The following PTPN5 variants were observed in gnomAD, a reference collection of about 807,000 sequenced individuals.
PTPN5 encodes tyrosine-protein phosphatase non-receptor type 5.
Under a neutral mutation model 73.9 loss-of-function variants are expected in PTPN5, and 29 were observed. The ratio of observed to expected loss-of-function variants is 0.39; its 90% CI spans 0.29 to 0.54. The LOEUF (loss-of-function observed/expected upper bound fraction) is 0.54. Among genes scored for constraint, PTPN5 ranks in the 20% least tolerant of loss-of-function variants. PTPN5 has a pLI of 0.65. For missense variants in PTPN5, 652 were observed against 751.4 expected, an observed-to-expected ratio of 0.87 and a Z score of 1.55; for synonymous variants, 267 against 304.7, an observed-to-expected ratio of 0.88 and a Z score of 1.29.
At chr11:18,791,201 C>T (rs1425531017) in intron 1 of PTPN5, among the ~76,000 whole-genome samples, 1 of 152,230 alleles carries the variant, frequency 6.6e-6, no homozygotes, top group Non-Finnish European at 1.5e-5. Flanking sequence ...AGCCCAGAGC[C>T]GCGCACCAGC....
Position 18,736,356 on chromosome 11 carries a change from A to C in PTPN5, c.1000+1524T>G, listed in dbSNP as rs890627145. 1.8e-4 allele frequency among the ~76,000 whole-genome samples: 27 copies of C among 152,314 alleles called. 1 individual carries two copies. The highest frequency in any genetic ancestry group is 1.6e-3 in the Admixed American group (25 of 15,308). On this transcript the variant is annotated intron_variant, in intron 9 of 14. Transcript: ENST00000358540. Reference sequence around the variant, plus strand: ...TGCTTTGATGCTTGGGACACGGCGGAGAAGGGGACAGAAATTGCTCCCAGC... The same window carrying C: ...TGCTTTGATGCTTGGGACACGGCGGCGAAGGGGACAGAAATTGCTCCCAGC...
In PTPN5 at chr11:18,733,551, C is replaced by T. The variant is rs963902434; in HGVS notation, c.1080+5G>A. On this transcript the variant is annotated splice_donor_5th_base_variant and intron_variant, in intron 10 of 14. Transcript: ENST00000358540. This position sits in a 1 kb window ranked among gnomAD's most constrained non-coding sequence, Gnocchi z 4.3. ...GCAAGAGGCCGTCAGGGTGGGAATA[C>T]GTACCCGGATGTAGTTGGCATTGAT... 6.2e-7 allele frequency: 1 copy of T among 1,614,074 alleles called. No individual in the cohort carries two copies. Among genetic ancestry groups the T allele is most frequent in the Non-Finnish European group, 8.5e-7 (1 of 1,179,968 alleles).
At chr11:18,765,182 G>A (rs1169051003) in intron 3 of PTPN5, among the ~76,000 whole-genome samples, 2 of 152,112 alleles carry the variant, frequency 1.3e-5, no homozygotes, top group Non-Finnish European at 2.9e-5. Context: ...ATAAAAAAAT[G>A]TAAAACTCTC....
intron 8 of PTPN5, among the ~76,000 whole-genome samples, chr11:18,738,832 C>T (rs1208157518): frequency 6.6e-6 from 1 of 152,004 alleles, no homozygotes; most frequent in Non-Finnish European, 1.5e-5. Flanking sequence ...ATTAGCTGGA[C>T]CTGGTGGCGG....
At chr11:18,774,549 C>T (rs909386436) in intron 1 of PTPN5, among the ~76,000 whole-genome samples, 1 of 152,210 alleles carries the variant, frequency 6.6e-6, no homozygotes, top group African/African-American at 2.4e-5. Flanking sequence ...GAGGAGCCCT[C>T]GTCCTGCCAA....
intron 7 of PTPN5, among the ~76,000 whole-genome samples, chr11:18,741,576 C>G (rs1180018521): frequency 6.6e-6 from 1 of 151,978 alleles, no homozygotes; most frequent in Non-Finnish European, 1.5e-5. Context: ...TCTGGCTCAC[C>G]CACCTAGACT....
intron 1 of PTPN5, among the ~76,000 whole-genome samples, chr11:18,782,798 T>C (rs183628218): frequency 1.3e-5 from 2 of 152,302 alleles, no homozygotes; most frequent in African/African-American, 4.8e-5. Context: ...TGAGCATTTT[T>C]GGTTGTTATA....
chr11:18,775,647 T>TAC (rs1235649976), intron 1 of PTPN5, among the ~76,000 whole-genome samples: 4 of 152,166 alleles, frequency 2.6e-5, no homozygotes, highest in African/African-American at 7.2e-5. Flanking sequence ...CCATGACGAA[T>TAC]ACACTCACTG....
At chr11:18,731,219 A>G (rs1245341766) in intron 12 of PTPN5, among the ~76,000 whole-genome samples, 2 of 148,348 alleles carry the variant, frequency 1.3e-5, no homozygotes, top group East Asian at 1.9e-4. Context: ...ATATATAGGT[A>G]TAATAGGATA....
intron 8 of PTPN5, among the ~76,000 whole-genome samples, chr11:18,739,434 G>A (rs555982572): frequency 8.5e-5 from 13 of 152,338 alleles, no homozygotes; most frequent in African/African-American, 2.9e-4. Context: ...AGGCACGGAC[G>A]AGACTGGCCC....
intron 12 of PTPN5, 36 bp downstream of exon 12, chr11:18,732,556 A>T (rs1449617233): frequency 1.3e-6 from 2 of 1,534,296 alleles, no homozygotes; most frequent in Non-Finnish European, 1.8e-6. Context: ...CCCTACACTC[A>T]TCCTCAGCTT....
At chr11:18,765,174 A>T (rs898612960) in intron 3 of PTPN5, among the ~76,000 whole-genome samples, 5 of 152,130 alleles carry the variant, frequency 3.3e-5, no homozygotes, top group African/African-American at 1.2e-4. Context: ...AAAAACTTAT[A>T]AAAAAATGTA....
intron 9 of PTPN5, among the ~76,000 whole-genome samples, chr11:18,735,602 G>A (rs1849077707): frequency 6.6e-6 from 1 of 152,014 alleles, no homozygotes; most frequent in Non-Finnish European, 1.5e-5. Context: ...GATCACTTGA[G>A]GTCAGGAGTT....
At chr11:18,783,812 G>A (rs1309203441) in intron 1 of PTPN5, among the ~76,000 whole-genome samples, 5 of 152,184 alleles carry the variant, frequency 3.3e-5, no homozygotes, top group Non-Finnish European at 5.9e-5. Flanking sequence ...CCACCACAGT[G>A]CCTGGTACAG....
At chr11:18,731,314 C>G (rs960745652) in intron 12 of PTPN5, among the ~76,000 whole-genome samples, 2 of 151,520 alleles carry the variant, frequency 1.3e-5, no homozygotes, top group African/African-American at 4.9e-5. Flanking sequence ...ATCCTATATT[C>G]TATATACCTA....
At chr11:18,756,229 T>C (rs1197663942) in intron 3 of PTPN5, among the ~76,000 whole-genome samples, 3 of 151,942 alleles carry the variant, frequency 2.0e-5, no homozygotes, top group Admixed American at 6.6e-5. Flanking sequence ...ATCTGGCTTA[T>C]GTCTGGTTCA....
intron 3 of PTPN5, among the ~76,000 whole-genome samples, chr11:18,756,639 C>T (rs1850150049): frequency 1.3e-5 from 2 of 151,648 alleles, no homozygotes; most frequent in South Asian, 2.1e-4. Flanking sequence ...AGAAACAGCA[C>T]CGGCCGGGCG....
intron 8 of PTPN5, among the ~76,000 whole-genome samples, chr11:18,739,705 C>G (rs895587541): frequency 1.3e-5 from 2 of 152,174 alleles, no homozygotes; most frequent in African/African-American, 4.8e-5. Flanking sequence ...GTGGCTTCTA[C>G]CAGGAGGAAC....
At chr11:18,746,743 T>C (rs1319588482) in intron 3 of PTPN5, among the ~76,000 whole-genome samples, 1 of 152,208 alleles carries the variant, frequency 6.6e-6, no homozygotes, top group Non-Finnish European at 1.5e-5. Flanking sequence ...ATGGAGGTTA[T>C]AGTTCCTGAC....
Sources: gnomAD v4.1 joint callset for allele counts (sites outside exome capture counted in the v4.1 genomes callset) on GRCh38, gnomAD v4.1.1 for gene constraint, Gnocchi (gnomAD v3.1) non-coding constraint, MANE v1.5 for transcripts, NCBI Gene and HGNC (gene_info 2026-07-23, HGNC 2026-07-21) for gene names.